The following CNTNAP2 variants were observed in gnomAD, a reference collection of about 807,000 sequenced individuals.
The protein encoded by CNTNAP2 is contactin associated protein 2.
In CNTNAP2, 98 loss-of-function variants were observed where a neutral mutation model predicts 155.2. That is an observed-to-expected ratio of 0.63 (90% CI 0.54 to 0.75). The LOEUF is 0.75. Ranked by LOEUF, CNTNAP2 falls within the 30% of genes least tolerant of loss-of-function variation. The probability of loss-of-function intolerance (pLI) is 0.00; values close to 1 mark genes in which losing one functional copy is unlikely to be tolerated. For missense variants in CNTNAP2, 1,727 were observed against 1,688.1 expected (o/e 1.02, Z -0.40); for synonymous variants, 651 against 631.2 (o/e 1.03, Z -0.47).
At chr7:147,755,596 G>T (rs562116109) in intron 13 of CNTNAP2, among the ~76,000 whole-genome samples, 2 of 152,200 alleles carry the variant, frequency 1.3e-5, no homozygotes, top group African/African-American at 4.8e-5. Flanking sequence ...AGGTTGCAGA[G>T]AGCCAAAATC....
At chr7:147,469,568 G>A (rs1339082615) in intron 10 of CNTNAP2, among the ~76,000 whole-genome samples, 3 of 133,638 alleles carry the variant, frequency 2.2e-5, no homozygotes, top group African/African-American at 8.5e-5. Context: ...GCCCAGGCTG[G>A]AGTGCAGTGG....
chr7:146,875,961 ACAAAAAAC>A (rs1562983123), intron 3 of CNTNAP2, among the ~76,000 whole-genome samples: 3 of 105,856 alleles, frequency 2.8e-5, no homozygotes, highest in African/African-American at 7.3e-5. Flanking sequence ...AAAAAAAAAA[ACAAAAAAC>A]AAAAAAACGA....
At chr7:146,526,639 A>G (rs1160222664) in intron 1 of CNTNAP2, among the ~76,000 whole-genome samples, 2 of 152,156 alleles carry the variant, frequency 1.3e-5, no homozygotes, top group Non-Finnish European at 2.9e-5. Context: ...ATTACAATTC[A>G]ACATGAGATT....
intron 1 of CNTNAP2, among the ~76,000 whole-genome samples, chr7:146,721,889 A>ATATTTTTTTTTTTTTTTT: frequency 1.4e-5 from 1 of 69,738 alleles, no homozygotes; most frequent in Non-Finnish European, 2.4e-5. Flanking sequence ...ATATATATAT[A>ATATTTTTTTTTTTTTTTT]TTTTTTTTTT....
At chr7:148,107,348 C>G (rs754309748) in intron 15 of CNTNAP2, among the ~76,000 whole-genome samples, 2 of 152,130 alleles carry the variant, frequency 1.3e-5, no homozygotes, top group African/African-American at 2.4e-5. Flanking sequence ...CCAAAGGACC[C>G]GAATCACAGA....
intron 21 of CNTNAP2, among the ~76,000 whole-genome samples, chr7:148,324,981 C>T (rs1236325541): frequency 6.6e-6 from 1 of 152,196 alleles, no homozygotes; most frequent in Non-Finnish European, 1.5e-5. Context: ...AAATCCACAA[C>T]GCTTACTTTT....
At chr7:147,118,646 T>C (rs1801038404) in intron 5 of CNTNAP2, among the ~76,000 whole-genome samples, 1 of 152,176 alleles carries the variant, frequency 6.6e-6, no homozygotes, top group Non-Finnish European at 1.5e-5. Context: ...CTAGGCTATA[T>C]GGTAGAGCTT....
At chr7:147,148,611 C>T (rs1217776879) in intron 8 of CNTNAP2, among the ~76,000 whole-genome samples, 1 of 152,082 alleles carries the variant, frequency 6.6e-6, no homozygotes, top group Non-Finnish European at 1.5e-5. Context: ...GATGGCGTGT[C>T]CAGAGTTTGT....
intron 2 of CNTNAP2, among the ~76,000 whole-genome samples, chr7:146,775,467 G>T (rs966324003): frequency 2.0e-5 from 3 of 150,412 alleles, no homozygotes; most frequent in African/African-American, 7.4e-5. Flanking sequence ...AGGAAAATAA[G>T]AAATGTGAAA....
At position 148,158,222 on chromosome 7, in the gene CNTNAP2, CTT is replaced by C. The variant is rs1224617335; in HGVS notation, c.2773+10531_2773+10532del. 1.2e-4 allele frequency among the ~76,000 whole-genome samples: 11 copies of C among 94,748 alleles called. 1 individual carries two copies. Among genetic ancestry groups the C allele is most frequent in the Admixed American group, 2.6e-4 (2 of 7,784 alleles). 62.2% of individuals were successfully genotyped at this position (94,748 alleles called of 152,430 possible). A position where few individuals can be genotyped will look rare whatever the true frequency, so the allele number is the denominator to read the frequency against. ...AGTGATGATAGGTACAATGTTTGCG[CTT>C]TTTTTTTTTTTTTTTTTGAGACAGA... On this transcript the variant is annotated intron_variant, in intron 17 of 23. Coordinates refer to ENST00000361727, the MANE Select transcript of CNTNAP2 (RefSeq NM_014141.6).
intron 8 of CNTNAP2, among the ~76,000 whole-genome samples, chr7:147,189,075 C>G (rs1025869092): frequency 6.6e-6 from 1 of 152,202 alleles, no homozygotes; most frequent in African/African-American, 2.4e-5. Context: ...TTGTCAGGCA[C>G]CTACATTCTT....
At chr7:147,641,619 T>G (rs1584874605) in intron 13 of CNTNAP2, among the ~76,000 whole-genome samples, 1 of 152,126 alleles carries the variant, frequency 6.6e-6, no homozygotes, top group East Asian at 1.9e-4. Flanking sequence ...ATTTGGAGAT[T>G]TGGCTTTCAG....
Position 147,981,786 on chromosome 7 carries a change from G to GGTGTGTGTGTGT in CNTNAP2, c.2383+3817_2383+3828dup, listed in dbSNP as rs57272792. On this transcript the variant is annotated intron_variant, in intron 15 of 23. Coordinates refer to ENST00000361727, the MANE Select transcript of CNTNAP2 (RefSeq NM_014141.6). ...TCTGTGAAATGCTTATGTCCTTACAGGTGTGTGTGTGTGTGTGTGTGTGTG... is the reference window on the plus strand; with the variant it reads ...TCTGTGAAATGCTTATGTCCTTACAGGTGTGTGTGTGTGTGTGTGTGTGTGTGTGTGTGTGTG... Among the ~76,000 whole-genome samples the GGTGTGTGTGTGT allele has an allele frequency of 1.7e-3, 251 of 143,772 alleles. 1 individual carries two copies. The highest frequency in any genetic ancestry group is 6.9e-3 in the Middle Eastern group (2 of 288). The allele number at this position is 143,772 out of a possible 152,430, so 94.3% of individuals were successfully genotyped here.
intron 1 of CNTNAP2, among the ~76,000 whole-genome samples, chr7:146,666,084 A>G (rs13224340): frequency 0.81 from 122,890 of 151,938 alleles, 50,310 homozygotes; most frequent in South Asian, 0.91. Flanking sequence ...AGAACACTAG[A>G]ACTTATTCTT....
intron 13 of CNTNAP2, among the ~76,000 whole-genome samples, chr7:147,840,036 G>A (rs575511758): frequency 7.2e-4 from 109 of 152,120 alleles, no homozygotes; most frequent in African/African-American, 2.5e-3. Context: ...GGAATTGGAG[G>A]TCATTATGTT....
intron 1 of CNTNAP2, among the ~76,000 whole-genome samples, chr7:146,546,780 AG>A (rs768801498): frequency 1.3e-5 from 2 of 151,852 alleles, no homozygotes; most frequent in Non-Finnish European, 2.9e-5. Context: ...GCTGAGTGTA[AG>A]TCTCTTATAA....
chr7:148,406,483 C>CCAAA (rs1251686226), intron 22 of CNTNAP2, among the ~76,000 whole-genome samples: 1 of 152,188 alleles, frequency 6.6e-6, no homozygotes, highest in Admixed American at 6.5e-5. Context: ...CCAACCCAAG[C>CCAAA]CAAACTGTCT....
At chr7:148,003,739 TA>T (rs1427104070) in intron 15 of CNTNAP2, among the ~76,000 whole-genome samples, 1 of 152,248 alleles carries the variant, frequency 6.6e-6, no homozygotes, top group Non-Finnish European at 1.5e-5. Context: ...TAAGTTTAGA[TA>T]AAGATTTATC....
chr7:148,060,788 G>A (rs1212910156), intron 15 of CNTNAP2, among the ~76,000 whole-genome samples: 1 of 152,192 alleles, frequency 6.6e-6, no homozygotes, highest in African/African-American at 2.4e-5. Flanking sequence ...GCTGTTGGTT[G>A]TATTATGGAA....
Sources: gnomAD v4.1 joint callset for allele counts (sites outside exome capture counted in the v4.1 genomes callset) on GRCh38, gnomAD v4.1.1 for gene constraint, MANE v1.5 for transcripts, NCBI Gene and HGNC (gene_info 2026-07-23, HGNC 2026-07-21) for gene names.